TRAPPC12: variants seen among roughly 807,000 people sequenced by gnomAD.
The protein encoded by TRAPPC12 is trafficking protein particle complex subunit 12, also known as TPR repeat protein 15.
Under a neutral mutation model 69.2 loss-of-function variants are expected in TRAPPC12, and 61 were observed. The ratio of observed to expected loss-of-function variants is 0.88; its 90% confidence interval spans 0.72 to 1.09. TRAPPC12 has a LOEUF of 1.09. TRAPPC12 is among the 50% of genes least tolerant of loss of function. The probability of loss-of-function intolerance (pLI) is 0.00; values close to 1 mark genes in which losing one functional copy is unlikely to be tolerated. For missense variants in TRAPPC12, 1,101 were observed against 1,016.4 expected (o/e 1.08, Z -1.13); for synonymous variants, 469 against 438.9 (o/e 1.07, Z -0.86).
intron 1 of TRAPPC12, 46 bp downstream of exon 1, chr2:3,379,922 G>A (rs1660124816): frequency 6.6e-6 from 1 of 152,554 alleles, no homozygotes; most frequent in South Asian, 2.1e-4. Flanking sequence ...GGACCGTGTA[G>A]CGCCACCTCG....
At chr2:3,418,783 T>G (rs1662597713) in intron 3 of TRAPPC12, among the ~76,000 whole-genome samples, 1 of 152,172 alleles carries the variant, frequency 6.6e-6, no homozygotes, top group African/African-American at 2.4e-5. Flanking sequence ...ACGGACGCCT[T>G]AAGTTCACCC....
At chr2:3,401,995 G>A in intron 3 of TRAPPC12, 102 bp downstream of exon 3, 2 of 817,998 alleles carry the variant, frequency 2.4e-6, no homozygotes, top group South Asian at 2.3e-5. Context: ...ATTATTCAAA[G>A]CTCTTGCACA....
intron 5 of TRAPPC12, among the ~76,000 whole-genome samples, chr2:3,431,930 C>T (rs569456240): frequency 1.3e-5 from 2 of 152,318 alleles, no homozygotes; most frequent in East Asian, 3.9e-4. Flanking sequence ...CCCCCACCAC[C>T]ATCTTTTTAA....
intron 5 of TRAPPC12, among the ~76,000 whole-genome samples, chr2:3,426,103 A>G (rs1434505603): frequency 1.3e-5 from 2 of 152,208 alleles, no homozygotes; most frequent in Admixed American, 1.3e-4. Context: ...GAATTGATGG[A>G]GATTTTTATC....
At chr2:3,458,179 A>T (rs1665283887) in intron 7 of TRAPPC12, 15 of 997,862 alleles carry the variant, frequency 1.5e-5, no homozygotes, top group African/African-American at 1.7e-5. Context: ...AGCATTGGAA[A>T]CCCCTTGGGG....
At chr2:3,464,875 T>C (rs1254054702) in intron 8 of TRAPPC12, among the ~76,000 whole-genome samples, 1 of 152,190 alleles carries the variant, frequency 6.6e-6, no homozygotes, top group Non-Finnish European at 1.5e-5. Flanking sequence ...GCCTTGCCCT[T>C]GAGGAGGGGC....
intron 9 of TRAPPC12, among the ~76,000 whole-genome samples, chr2:3,476,522 C>T (rs1464362223): frequency 6.6e-6 from 1 of 152,204 alleles, no homozygotes. Flanking sequence ...CCCTTTGCCC[C>T]AGAGGGATGC....
In TRAPPC12 at chr2:3,397,209, A is replaced by G. The variant is rs142982153; in HGVS notation, c.1048-4568A>G. 6.6e-5 allele frequency among the ~76,000 whole-genome samples: 10 copies of G among 152,356 alleles called. No homozygotes were observed. The East Asian group carries it at 1.9e-3, about 29-fold the overall frequency. The stretch of plus-strand genomic sequence containing the variant: ...AGACTTGCCCTTTATTCTGACAAGC[A>G]AGTAACTTATTTACAGATTTAGTTT... On this transcript the variant is annotated intron_variant, in intron 2 of 11. Transcript: ENST00000324266.
chr2:3,457,525 C>A, intron 6 of TRAPPC12, 96 bp from the exon 7 acceptor site: 1 of 901,844 alleles, frequency 1.1e-6, no homozygotes, highest in Non-Finnish European at 1.8e-6. Flanking sequence ...TTGTTTTCAT[C>A]CAGAGAAATT....
intron 2 of TRAPPC12, among the ~76,000 whole-genome samples, chr2:3,394,037 G>T (rs1042274745): frequency 6.6e-6 from 1 of 152,216 alleles, no homozygotes; most frequent in Non-Finnish European, 1.5e-5. Context: ...TTTATTTCCA[G>T]GTGGTAGAAC....
intron 9 of TRAPPC12, among the ~76,000 whole-genome samples, chr2:3,466,808 G>C (rs948003909): frequency 6.6e-6 from 1 of 152,264 alleles, no homozygotes; most frequent in Non-Finnish European, 1.5e-5. Flanking sequence ...CATGGGCATC[G>C]GCTCCTGCCT....
At chr2:3,463,008 T>C (rs1317532860) in intron 8 of TRAPPC12, 2 of 464,732 alleles carry the variant, frequency 4.3e-6, no homozygotes, top group Non-Finnish European at 9.0e-6. Context: ...TCACGGCCTG[T>C]AAACACGTGT....
At chr2:3,408,775 C>T (rs948581036) in intron 3 of TRAPPC12, among the ~76,000 whole-genome samples, 7 of 152,196 alleles carry the variant, frequency 4.6e-5, no homozygotes, top group African/African-American at 1.7e-4. Flanking sequence ...TGCTGTATTA[C>T]TTATGTTACT....
At chr2:3,464,708 G>A (rs577238953) in intron 8 of TRAPPC12, among the ~76,000 whole-genome samples, 6 of 152,296 alleles carry the variant, frequency 3.9e-5, no homozygotes, top group Non-Finnish European at 8.8e-5. Context: ...CTTGAGACAA[G>A]CTACCACTGT....
chr2:3,404,907 G>A (rs1661645836), intron 3 of TRAPPC12, among the ~76,000 whole-genome samples: 2 of 151,966 alleles, frequency 1.3e-5, no homozygotes, highest in Admixed American at 1.3e-4. Flanking sequence ...CGCAAAGAGT[G>A]AGGAGATGAA....
chr2:3,413,723 G>C (rs985600259), intron 3 of TRAPPC12, among the ~76,000 whole-genome samples: 1 of 152,146 alleles, frequency 6.6e-6, no homozygotes, highest in Admixed American at 6.6e-5. Context: ...CTTACTGTTT[G>C]TACTATTCCA....
intron 2 of TRAPPC12, among the ~76,000 whole-genome samples, chr2:3,399,498 G>C (rs1158129783): frequency 6.6e-6 from 1 of 152,162 alleles, no homozygotes; most frequent in Non-Finnish European, 1.5e-5. Context: ...TACAACTGCT[G>C]CCCCTAGGTC....
At chr2:3,381,810 CT>C (rs1660224145) in intron 1 of TRAPPC12, among the ~76,000 whole-genome samples, 1 of 152,224 alleles carries the variant, frequency 6.6e-6, no homozygotes, top group Admixed American at 6.5e-5. Context: ...CCTTCCACCC[CT>C]CCCTCACTAA....
chr2:3,454,544 G>A (rs12474425), intron 6 of TRAPPC12: 17,974 of 152,412 alleles, frequency 0.12, 1,230 homozygotes, highest in Non-Finnish European at 0.15. Context: ...AGCTGGGTAG[G>A]TGGGTCTGGG....
Sources: gnomAD v4.1 joint callset for allele counts (sites outside exome capture counted in the v4.1 genomes callset) on GRCh38, gnomAD v4.1.1 for gene constraint, MANE v1.5 for transcripts, NCBI Gene and HGNC (gene_info 2026-07-23, HGNC 2026-07-21) for gene names.